TLE3: variants seen among roughly 807,000 people sequenced by gnomAD.
TLE3 encodes transducin-like enhancer protein 3.
TLE3 carries 14 observed loss-of-function variants against 93.0 expected under a neutral mutation model. That is an observed-to-expected ratio of 0.15 (90% CI 0.10 to 0.24). The LOEUF is 0.24. Among genes scored for constraint, TLE3 ranks in the 10% least tolerant of loss-of-function variants. TLE3 has a pLI of 1.00. For synonymous variants in TLE3, 451 were observed against 425.0 expected (o/e 1.06, Z -0.75); for missense variants, 693 against 1,046.6 (o/e 0.66, Z 4.66).
intron 4 of TLE3, among the ~76,000 whole-genome samples, chr15:70,093,677 C>T (rs1484487722): frequency 1.3e-5 from 2 of 152,218 alleles, no homozygotes; most frequent in African/African-American, 4.8e-5. Context: ...CACAGCCCAG[C>T]CTAGCACTGG....
At position 70,097,453 on chromosome 15, in the gene TLE3, T is replaced by C. The variant is rs1596055791; in HGVS notation, c.-655A>G. ...CTGCTGTTCCGTCTGCTACTGCCGC[T>C]GCCGCCGCCGCCGCCGCCGCTGCAA... is the stretch of plus-strand genomic sequence containing the variant. On this transcript the variant is annotated 5_prime_UTR_variant, in exon 1 of 20. Coordinates refer to ENST00000451782, the MANE Select transcript of TLE3 (RefSeq NM_001105192.3). 2.4e-5 allele frequency: 10 copies of C among 416,462 alleles called. No individual in the cohort carries two copies. Among genetic ancestry groups the C allele is most frequent in the South Asian group, 8.2e-5 (1 of 12,164 alleles). The allele number at this position is 416,462 out of a possible 1,614,324, so 25.8% of individuals were successfully genotyped here. A position where few individuals can be genotyped will look rare whatever the true frequency, so the allele number is the denominator to read the frequency against.
At chr15:70,095,706 C>T (rs551099503) in intron 2 of TLE3, 65 bp from the exon 3 acceptor site, 1 of 1,531,404 alleles carries the variant, frequency 6.5e-7, no homozygotes, top group Non-Finnish European at 8.8e-7. Context: ...GGCCCCGACC[C>T]AAGGGCCTCT....
Position 70,097,301 on chromosome 15 carries a change from T to C in TLE3, c.-503A>G, listed in dbSNP as rs2058610118. On this transcript the variant is annotated 5_prime_UTR_variant, in exon 1 of 20. Coordinates refer to ENST00000451782, the MANE Select transcript of TLE3 (RefSeq NM_001105192.3). ...GTCCGATCCTAGAGGCGTCCGGGCC[T>C]GGGGCTCGCGGCGAGAAGAGGAAGG... is the stretch of plus-strand genomic sequence containing the variant. 1 of 400,882 alleles carries C rather than the reference T, an allele frequency of 2.5e-6. No homozygotes were observed. The allele number at this position is 400,882 out of a possible 1,614,324, so 24.8% of individuals were successfully genotyped here.
intron 4 of TLE3, among the ~76,000 whole-genome samples, chr15:70,082,367 T>C (rs1200781830): frequency 6.6e-6 from 1 of 152,050 alleles, no homozygotes; most frequent in Non-Finnish European, 1.5e-5. Flanking sequence ...GGGGTGGGGT[T>C]CTCAGGCCCT....
intron 13 of TLE3, among the ~76,000 whole-genome samples, chr15:70,056,836 A>C (rs547850481): frequency 6.6e-6 from 1 of 152,242 alleles, no homozygotes; most frequent in East Asian, 1.9e-4. Flanking sequence ...ATCTTGGCTC[A>C]CTGCAACCTC....
intron 14 of TLE3, 117 bp downstream of exon 14, chr15:70,056,181 G>A (rs1261052615): frequency 1.8e-6 from 2 of 1,124,954 alleles, no homozygotes; most frequent in Non-Finnish European, 2.7e-6. Flanking sequence ...CTTTCCAAAG[G>A]GAGGTGCACC....
intron 4 of TLE3, among the ~76,000 whole-genome samples, chr15:70,080,063 G>GA (rs35291213): frequency 2.4e-4 from 35 of 144,046 alleles, no homozygotes; most frequent in African/African-American, 6.0e-4. Flanking sequence ...TCCAAAAAAG[G>GA]AAAAAAAAAA....
At chr15:70,073,915 AC>A (rs2057310170) in intron 6 of TLE3, among the ~76,000 whole-genome samples, 1 of 152,168 alleles carries the variant, frequency 6.6e-6, no homozygotes, top group African/African-American at 2.4e-5. Context: ...CTCACAGAGC[AC>A]TCTTGGGTAT....
intron 13 of TLE3, 89 bp downstream of exon 13, chr15:70,057,370 C>A: frequency 1.4e-6 from 2 of 1,444,816 alleles, no homozygotes; most frequent in Admixed American, 2.5e-5. Flanking sequence ...CCCTGAGGGG[C>A]CCCTTTAGCA....
At chr15:70,073,737 C>T (rs2057300638) in intron 6 of TLE3, among the ~76,000 whole-genome samples, 1 of 152,208 alleles carries the variant, frequency 6.6e-6, no homozygotes, top group South Asian at 2.1e-4. Flanking sequence ...CCCAAAGTCA[C>T]ACTAAAAAGA....
intron 3 of TLE3, chr15:70,095,261 A>G (rs2058496808): frequency 8.1e-7 from 1 of 1,239,386 alleles, no homozygotes; most frequent in Admixed American, 3.9e-5. Flanking sequence ...CTATCTTACT[A>G]GCCAAGATAG....
rs969917075 is a variant in TLE3, at chr15:70,058,171, T to C, written c.1039A>G (p.Met347Val). The C allele has an allele frequency of 2.5e-6, 4 of 1,613,864 alleles. No individual in the cohort carries two copies. Among genetic ancestry groups the C allele is most frequent in the African/African-American group, 2.7e-5 (2 of 74,938 alleles). Residue 347 changes from methionine to valine, a missense_variant, in exon 12 of 20, where the codon ATG becomes GTG. Around this residue, in one of 4 missense-constraint regions of TLE3, gnomAD observed 405 missense variants for 468.9 expected, o/e 0.86. Coordinates refer to ENST00000451782, the MANE Select transcript of TLE3 (RefSeq NM_001105192.3). This position sits in a 1 kb window ranked among gnomAD's most constrained non-coding sequence, Gnocchi z 4.1. ...CTACCCATTATACCTATCGGGTCCA[T>C]GCCCGGAGGTTTACCCGGCATCGAC... ...LRSMPGKPPG[M>V]DPIASALRTP... is the part of the protein sequence containing the mutation.
rs778424837 is a variant in TLE3, at chr15:70,054,903, C to T, written c.1578+146G>A. On this transcript the variant is annotated intron_variant, in intron 15 of 19. Transcript: ENST00000451782. ...TCAGCCCCACACACAGAAGGCACAA[C>T]TGAGGCTCAGAGAGGTTAGTCAGCT... 3.8e-5 allele frequency: 49 copies of T among 1,304,868 alleles called. No homozygotes were observed. The Admixed American group carries it at 1.3e-3, about 35-fold the overall frequency. 80.8% of individuals were successfully genotyped at this position (1,304,868 alleles called of 1,614,324 possible).
chr15:70,065,921 C>A, intron 7 of TLE3, 93 bp downstream of exon 7: 1 of 1,371,752 alleles, frequency 7.3e-7, no homozygotes, highest in Admixed American at 2.1e-5. Flanking sequence ...GGTCTTAGGA[C>A]GACAGCACTT....
intron 14 of TLE3, chr15:70,056,011 G>A (rs1048561852): frequency 3.9e-6 from 2 of 515,230 alleles, no homozygotes; most frequent in South Asian, 2.0e-5. Flanking sequence ...CAGGTGACTC[G>A]GTGAGGAGTG....
Position 70,095,651 on chromosome 15 carries a change from CAGG to C in TLE3, c.126-13_126-11del. 6.4e-7 allele frequency: 1 copy of C among 1,551,314 alleles called. No homozygotes were observed. The highest frequency in any genetic ancestry group is 8.7e-7 in the Non-Finnish European group (1 of 1,146,840). Reference sequence around the variant, plus strand: ...GTACTCCACTTTGAGGCTGCGAGGGCAGGAGGAGCCGGCTCAGGCGTGGCGCCT... The same window carrying C: ...GTACTCCACTTTGAGGCTGCGAGGGCAGGAGCCGGCTCAGGCGTGGCGCCT... On this transcript the variant is annotated splice_polypyrimidine_tract_variant and intron_variant, in intron 2 of 19. Transcript: ENST00000451782.
chr15:70,092,169 C>T lies in TLE3; in HGVS notation c.234+2363G>A, dbSNP rs16954131. On this transcript the variant is annotated intron_variant, in intron 4 of 19. Transcript: ENST00000451782. The stretch of plus-strand genomic sequence containing the variant: ...AAACTTGTTTGCTCAGGCCTAACCA[C>T]CATTCGCCAAATGCACCCAAGACCC... 1.4e-3 allele frequency among the ~76,000 whole-genome samples: 216 copies of T among 152,254 alleles called. 4 individuals carry two copies. The East Asian group carries it at 0.038, about 27-fold the overall frequency.
Position 70,054,581 on chromosome 15 carries a change from G to A in TLE3, c.1683C>T (p.Pro561=), listed in dbSNP as rs767026633. Residue 561 remains proline (P), a synonymous_variant, in exon 16 of 20, where the codon CCC becomes CCT. Coordinates refer to ENST00000451782, the MANE Select transcript of TLE3 (RefSeq NM_001105192.3). ...TCAGCTCGGCCTTGATGCGGGGCGT[G>A]GGCGAGGCCAGGTCCCAGATGGTGA... ...STLTIWDLAS[P]TPRIKAELTS... is the part of the protein sequence containing the mutation. 1.2e-5 allele frequency: 19 copies of A among 1,613,692 alleles called. No individual in the cohort carries two copies. The highest frequency in any genetic ancestry group is 1.4e-5 in the Non-Finnish European group (17 of 1,179,762).
At chr15:70,061,190 C>T (rs983830983) in intron 8 of TLE3, among the ~76,000 whole-genome samples, 57 of 152,184 alleles carry the variant, frequency 3.7e-4, no homozygotes, top group African/African-American at 1.3e-3. Context: ...AGCAGCCAAG[C>T]GTTCTGTGTG....
Sources: allele counts gnomAD v4.1 joint callset (sites outside exome capture counted in the v4.1 genomes callset), GRCh38; gene constraint gnomAD v4.1.1; regional missense constraint gnomAD v4.1.1; non-coding constraint Gnocchi (gnomAD v3.1); transcripts MANE v1.5; gene names NCBI Gene and HGNC (gene_info 2026-07-23, HGNC 2026-07-21).